ZEB1: variants seen among roughly 807,000 people sequenced by gnomAD.
ZEB1 encodes the protein zinc finger E-box-binding homeobox 1.
ZEB1 carries 21 observed loss-of-function variants against 84.9 expected under a neutral mutation model. The observed-to-expected ratio is 0.25, with a 90% CI of 0.18 to 0.36. ZEB1 has a LOEUF of 0.36. Among genes scored for constraint, ZEB1 ranks in the 10% least tolerant of loss-of-function variants. ZEB1 has a pLI of 1.00. For missense variants in ZEB1, 1,104 were observed against 1,330.2 expected (o/e 0.83, Z 2.65); for synonymous variants, 420 against 471.1 (o/e 0.89, Z 1.41).
chr10:31,479,529 A>C (rs979084165), intron 2 of ZEB1, among the ~76,000 whole-genome samples: 3 of 151,896 alleles, frequency 2.0e-5, no homozygotes, highest in African/African-American at 7.2e-5. Context: ...TTCAGTAGGA[A>C]ATTTAAAATA....
At chr10:31,488,050 T>A (rs1215710136) in intron 2 of ZEB1, among the ~76,000 whole-genome samples, 1 of 151,108 alleles carries the variant, frequency 6.6e-6, no homozygotes, top group Non-Finnish European at 1.5e-5. Flanking sequence ...TAGTCTATAA[T>A]TTTTTTTCTT....
rs745357514 is a variant in ZEB1, at chr10:31,413,647, C to G, written c.59-47390C>G. Among the ~76,000 whole-genome samples the G allele has an allele frequency of 2.4e-4, 37 of 151,814 alleles. 1 individual carries two copies. Among genetic ancestry groups the G allele is most frequent in the Non-Finnish European group, 4.9e-4 (33 of 67,938 alleles). ...GTGAGCTCACTGATAGCAGAGTCCA[C>G]CAAGAGGCATTTAGTGGTTTTCCTT... On this transcript the variant is annotated intron_variant, in intron 1 of 8. Coordinates refer to ENST00000424869, the MANE Select transcript of ZEB1 (RefSeq NM_001174096.2).
intron 6 of ZEB1, among the ~76,000 whole-genome samples, chr10:31,518,009 C>T (rs930943435): frequency 1.6e-4 from 24 of 152,054 alleles, no homozygotes; most frequent in African/African-American, 5.6e-4. Flanking sequence ...CCTTACGTAC[C>T]ATTTCTGTCC....
At chr10:31,458,719 A>G (rs1421946871) in intron 1 of ZEB1, among the ~76,000 whole-genome samples, 1 of 152,108 alleles carries the variant, frequency 6.6e-6, no homozygotes, top group South Asian at 2.1e-4. Context: ...TCTGATAAGT[A>G]TATATAAGGA....
chr10:31,474,342 A>G, intron 2 of ZEB1, among the ~76,000 whole-genome samples: 1 of 151,730 alleles, frequency 6.6e-6, no homozygotes, highest in Non-Finnish European at 1.5e-5. Context: ...AGAATCTACA[A>G]TGAACTCCAA....
intron 1 of ZEB1, chr10:31,358,096 G>A (rs1481937784): frequency 6.6e-6 from 1 of 152,146 alleles, no homozygotes; most frequent in Non-Finnish European, 1.5e-5. Context: ...TTGGCAAAAG[G>A]GATGAGCTTA....
At chr10:31,461,994 G>C (rs1040602049) in intron 2 of ZEB1, among the ~76,000 whole-genome samples, 2 of 152,120 alleles carry the variant, frequency 1.3e-5, no homozygotes, top group East Asian at 1.9e-4. Context: ...TGGGGATCAG[G>C]AACAAGGGCA....
intron 4 of ZEB1, among the ~76,000 whole-genome samples, chr10:31,507,582 A>T (rs996774238): frequency 1.3e-5 from 2 of 151,824 alleles, no homozygotes; most frequent in African/African-American, 2.4e-5. Context: ...TCAAGTTCTA[A>T]AATTCTTCTT....
chr10:31,399,879 G>C (rs757349322), intron 1 of ZEB1, among the ~76,000 whole-genome samples: 2 of 152,130 alleles, frequency 1.3e-5, no homozygotes, highest in Non-Finnish European at 2.9e-5. Context: ...TGGCTTCTTT[G>C]CTGTTCTTAG....
At chr10:31,506,769 A>G (rs548071085) in intron 4 of ZEB1, among the ~76,000 whole-genome samples, 5 of 151,948 alleles carry the variant, frequency 3.3e-5, no homozygotes, top group Non-Finnish European at 7.4e-5. Flanking sequence ...ATTATTATTG[A>G]TATGTTAGAG....
At chr10:31,480,136 G>A (rs942311117) in intron 2 of ZEB1, among the ~76,000 whole-genome samples, 5 of 151,850 alleles carry the variant, frequency 3.3e-5, no homozygotes, top group African/African-American at 1.2e-4. Flanking sequence ...TTTTGCAATT[G>A]GTGAGTTTTA....
rs367749817 is a variant in ZEB1 at position 31,521,087 on chromosome 10, T to G, written c.1755T>G (p.Pro585=). The part of the protein sequence containing the change: ...SSATGDGNLS[P]SQPPLKNLLS... ...CTACTGGAGATGGCAATTTGTCTCCTAGTCAGCCACCTTTAAAGAACCTCT... is the reference window on the plus strand; with the variant it reads ...CTACTGGAGATGGCAATTTGTCTCCGAGTCAGCCACCTTTAAAGAACCTCT... The change falls in exon 7 of 9, where the codon CCT becomes CCG. Residue 585 remains proline, a synonymous_variant. Coordinates refer to ENST00000424869, the MANE Select transcript of ZEB1 (RefSeq NM_001174096.2). 1 of 1,614,008 alleles carries G rather than the reference T, an allele frequency of 6.2e-7. No homozygotes were observed. Among genetic ancestry groups the G allele is most frequent in the African/African-American group, 1.3e-5 (1 of 74,930 alleles).
intron 1 of ZEB1, among the ~76,000 whole-genome samples, chr10:31,454,652 C>T (rs754180006): frequency 7.2e-5 from 11 of 152,096 alleles, no homozygotes; most frequent in Non-Finnish European, 1.6e-4. Context: ...GAGTGAACTC[C>T]CATTCACAAT....
intron 1 of ZEB1, among the ~76,000 whole-genome samples, chr10:31,328,310 A>T (rs1283051026): frequency 6.6e-6 from 1 of 152,136 alleles, no homozygotes; most frequent in African/African-American, 2.4e-5. Context: ...TGGCCGGGTT[A>T]CTTAGTCTTT....
chr10:31,498,051 T>C (rs1394938151), intron 3 of ZEB1, among the ~76,000 whole-genome samples: 1 of 152,116 alleles, frequency 6.6e-6, no homozygotes, highest in African/African-American at 2.4e-5. Context: ...CTATACTTTG[T>C]CAATTTTGAG....
chr10:31,483,498 G>C (rs2065327653), intron 2 of ZEB1, among the ~76,000 whole-genome samples: 1 of 151,950 alleles, frequency 6.6e-6, no homozygotes, highest in South Asian at 2.1e-4. Flanking sequence ...GCAGTGCAGA[G>C]GTAATTCTGT....
In ZEB1 at chr10:31,362,023, T is replaced by C. The variant is rs115024922; in HGVS notation, c.58+42731T>C. Among the ~76,000 whole-genome samples the C allele has an allele frequency of 5.1e-3, 755 of 148,898 alleles. 9 individuals carry two copies. Among genetic ancestry groups the C allele is most frequent in the African/African-American group, 0.018 (724 of 40,040 alleles). On this transcript the variant is annotated intron_variant, in intron 1 of 8. Coordinates refer to ENST00000424869, the MANE Select transcript of ZEB1 (RefSeq NM_001174096.2). ...TGAGGAGGCTGGGCAGAGGCACTCC[T>C]CGCTTCGCAGACGGGGCGGCGGCGG...
chr10:31,339,390 G>C (rs1484817254), intron 1 of ZEB1, among the ~76,000 whole-genome samples: 2 of 152,084 alleles, frequency 1.3e-5, no homozygotes, highest in African/African-American at 4.8e-5. Flanking sequence ...CTGTCTCTTT[G>C]CACATGTGTG....
chr10:31,474,041 C>G (rs1425993423), intron 2 of ZEB1, among the ~76,000 whole-genome samples: 1 of 152,150 alleles, frequency 6.6e-6, no homozygotes, highest in South Asian at 2.1e-4. Flanking sequence ...CTTCCTTACA[C>G]CTTATACAAA....
Sources: gnomAD v4.1 joint callset for allele counts (sites outside exome capture counted in the v4.1 genomes callset) on GRCh38, gnomAD v4.1.1 for gene constraint, MANE v1.5 for transcripts, NCBI Gene and HGNC (gene_info 2026-07-23, HGNC 2026-07-21) for gene names.